The following ANTXRL variants were observed in gnomAD, a reference collection of about 807,000 sequenced individuals.
ANTXRL encodes anthrax toxin receptor-like.
In ANTXRL, 63 loss-of-function variants were observed where a neutral mutation model predicts 75.4. That is an observed-to-expected ratio of 0.84 (90% CI 0.68 to 1.03). The LOEUF is 1.03. ANTXRL is among the 50% of genes least tolerant of loss of function. The pLI, the probability that ANTXRL is intolerant of heterozygous loss-of-function variation, is 0.00. For missense variants in ANTXRL, 797 were observed against 789.4 expected, an observed-to-expected ratio of 1.01 and a Z score of -0.12; for synonymous variants, 335 against 291.3, an observed-to-expected ratio of 1.15 and a Z score of -1.53.
chr10:46,287,284 G>A lies in ANTXRL; in HGVS notation c.22G>A (p.Gly8Arg). 1 of 1,535,880 alleles carries A rather than the reference G, an allele frequency of 6.5e-7. No homozygotes were observed. The highest frequency in any genetic ancestry group is 8.7e-7 in the Non-Finnish European group (1 of 1,146,728). Reference protein sequence around the residue: MGSHESLGPYFLVFLLLL... With the variant: MGSHESLRPYFLVFLLLL... ...GATAATGGGGAGCCATGAGTCCCTG[G>A]GGCCCTACTTCCTGGTCTTCCTGCT... is the stretch of plus-strand genomic sequence containing the variant. The change falls in exon 1 of 17, where the codon GGG (glycine) becomes AGG (arginine). Residue 8 changes from glycine (G) to arginine (R), a missense_variant. Coordinates refer to ENST00000620264, the MANE Select transcript of ANTXRL (RefSeq NM_001278688.3).
At chr10:46,287,724 A>G (rs1461463103) in intron 1 of ANTXRL, among the ~76,000 whole-genome samples, 1 of 152,036 alleles carries the variant, frequency 6.6e-6, no homozygotes, top group Non-Finnish European at 1.5e-5. Context: ...GGATGAGGAA[A>G]AAAGCCACCA....
chr10:46,290,045 C>CTTTTTTTTTTTTTT (rs34276033), intron 1 of ANTXRL, among the ~76,000 whole-genome samples: 10 of 119,642 alleles, frequency 8.4e-5, no homozygotes, highest in Non-Finnish European at 9.9e-5. Flanking sequence ...TTTTCTTTAT[C>CTTTTTTTTTTTTTT]TTTTTTTTTT....
intron 16 of ANTXRL, among the ~76,000 whole-genome samples, chr10:46,315,300 C>T (rs1838662342): frequency 6.6e-6 from 1 of 152,208 alleles, no homozygotes; most frequent in Non-Finnish European, 1.5e-5. Flanking sequence ...GAGAAGCAGC[C>T]CTGAGGCTGG....
intron 16 of ANTXRL, among the ~76,000 whole-genome samples, chr10:46,319,218 A>T (rs1026352408): frequency 6.6e-6 from 1 of 152,170 alleles, no homozygotes; most frequent in African/African-American, 2.4e-5. Context: ...TGGCCTCTCA[A>T]TTTGGGGAGG....
chr10:46,287,132 G>GT lies in ANTXRL; in HGVS notation c.-130dup, dbSNP rs1836796080. 2.4e-6 allele frequency: 3 copies of GT among 1,225,146 alleles called. No homozygotes were observed. In the Admixed American group the frequency reaches 8.1e-5, roughly 33 times the overall value. 75.9% of individuals were successfully genotyped at this position (1,225,146 alleles called of 1,614,324 possible). ...TGGTGGAGGGCCATAGTGTGCACTG[G>GT]TGAAAGGGCAGGAGGAGGGGTGTGG... is the stretch of plus-strand genomic sequence containing the variant. On this transcript the variant is annotated 5_prime_UTR_variant, in exon 1 of 17. Transcript: ENST00000620264.
rs529691405 is a variant in ANTXRL at position 46,293,577 on chromosome 10, G to A, written c.321-252G>A. On this transcript the variant is annotated intron_variant, in intron 2 of 16. Transcript: ENST00000620264. ...TGTGAGTGTGTGCCTGTGTGTGCGC[G>A]TGTGTGTGTGCAAGTGTCTTTGGGG... 2.1e-5 allele frequency among the ~76,000 whole-genome samples: 3 copies of A among 143,630 alleles called. No individual in the cohort carries two copies. In the Admixed American group the frequency reaches 2.1e-4, roughly 10 times the overall value. The allele number at this position is 143,630 out of a possible 152,430, so 94.2% of individuals were successfully genotyped here.
intron 16 of ANTXRL, among the ~76,000 whole-genome samples, chr10:46,322,614 A>G (rs1455073805): frequency 6.6e-6 from 1 of 152,164 alleles, no homozygotes; most frequent in Non-Finnish European, 1.5e-5. Flanking sequence ...TTTCTTCATA[A>G]CATGGATTCT....
chr10:46,307,336 C>T, intron 11 of ANTXRL, 66 bp from the exon 12 acceptor site: 1 of 1,149,138 alleles, frequency 8.7e-7, no homozygotes, highest in Non-Finnish European at 1.3e-6. Flanking sequence ...ATTACCCATG[C>T]TGTCCAAGGG....
chr10:46,328,817 A>G (rs1839352139), intron 16 of ANTXRL, among the ~76,000 whole-genome samples: 1 of 152,082 alleles, frequency 6.6e-6, no homozygotes, highest in Non-Finnish European at 1.5e-5. Context: ...GGCCCATTTA[A>G]GAGATGGGAA....
chr10:46,315,050 TC>T (rs2132850226), intron 16 of ANTXRL, among the ~76,000 whole-genome samples: 1 of 152,298 alleles, frequency 6.6e-6, no homozygotes, highest in East Asian at 1.9e-4. Context: ...TGGCAGGAGT[TC>T]CCCGTTCTCC....
chr10:46,295,996 C>A, intron 3 of ANTXRL, 23 bp from the exon 4 acceptor site: 4 of 1,528,688 alleles, frequency 2.6e-6, no homozygotes, highest in Non-Finnish European at 3.5e-6. Context: ...TCCAGGTCAA[C>A]CACCTTTTTA....
At chr10:46,303,425 T>C (rs1456000574) in intron 10 of ANTXRL, among the ~76,000 whole-genome samples, 1 of 152,196 alleles carries the variant, frequency 6.6e-6, no homozygotes, top group Non-Finnish European at 1.5e-5. Context: ...CTGAAATGCT[T>C]GGGACCACAG....
At chr10:46,309,056 G>C in intron 12 of ANTXRL, 57 bp from the exon 13 acceptor site, 1 of 1,534,606 alleles carries the variant, frequency 6.5e-7, no homozygotes, top group Non-Finnish European at 8.7e-7. Flanking sequence ...CCACCAAGTG[G>C]TGGGCACGGG....
rs74129838 is a variant in ANTXRL, at chr10:46,294,002, A to G, written c.392+102A>G. 6.6e-3 allele frequency: 7,467 copies of G among 1,133,078 alleles called. 352 individuals are homozygous for G. The African/African-American group carries it at 0.099, about 15-fold the overall frequency. 70.2% of individuals were successfully genotyped at this position (1,133,078 alleles called of 1,614,324 possible). A position where few individuals can be genotyped will look rare whatever the true frequency, so the allele number is the denominator to read the frequency against. ...CGGAGACCTTGGTTGGGAGCCTGAC[A>G]GCACACAGGGCAGGCCGGTCAGGGC... On this transcript the variant is annotated intron_variant, in intron 3 of 16. Coordinates refer to ENST00000620264, the MANE Select transcript of ANTXRL (RefSeq NM_001278688.3).
At chr10:46,318,780 A>G (rs73292921) in intron 16 of ANTXRL, among the ~76,000 whole-genome samples, 7,386 of 152,204 alleles carry the variant, frequency 0.049, 614 homozygotes, top group African/African-American at 0.17. Context: ...AAAGAAAAAC[A>G]TCAGGCAAAT....
chr10:46,329,823 C>T lies in ANTXRL; in HGVS notation c.1635C>T (p.Ala545=). 1 of 1,533,842 alleles carries T rather than the reference C, an allele frequency of 6.5e-7. No individual in the cohort carries two copies. Among genetic ancestry groups the T allele is most frequent in the Non-Finnish European group, 8.7e-7 (1 of 1,145,900 alleles). ...RHSQHSRECL[A]RKQAPCSPRI... is the part of the protein sequence containing the mutation. Reference sequence around the variant, plus strand: ...GCCAACACAGCAGGGAGTGCCTTGCCCGCAAACAGGCTCCCTGCAGCCCAA... The same window carrying T: ...GCCAACACAGCAGGGAGTGCCTTGCTCGCAAACAGGCTCCCTGCAGCCCAA... Residue 545 remains alanine, a synonymous_variant, in exon 17 of 17, where the codon GCC becomes GCT. Transcript: ENST00000620264.
intron 16 of ANTXRL, among the ~76,000 whole-genome samples, chr10:46,314,369 G>T (rs1221419924): frequency 6.6e-6 from 1 of 152,056 alleles, no homozygotes; most frequent in Non-Finnish European, 1.5e-5. Flanking sequence ...GTCCCATAAG[G>T]CCTCTCCACG....
intron 14 of ANTXRL, 94 bp downstream of exon 14, chr10:46,310,593 A>C: frequency 2.0e-5 from 26 of 1,323,004 alleles, no homozygotes; most frequent in Non-Finnish European, 2.5e-5. Flanking sequence ...CATGATCTCC[A>C]TCTGCTTGAG....
At chr10:46,318,602 C>T (rs1838844677) in intron 16 of ANTXRL, among the ~76,000 whole-genome samples, 1 of 151,990 alleles carries the variant, frequency 6.6e-6, no homozygotes, top group South Asian at 2.1e-4. Context: ...CATTAAGCTC[C>T]AAAAATTAAA....
Sources: allele counts gnomAD v4.1 joint callset (sites outside exome capture counted in the v4.1 genomes callset), GRCh38; gene constraint gnomAD v4.1.1; transcripts MANE v1.5; gene names NCBI Gene and HGNC (gene_info 2026-07-23, HGNC 2026-07-21).